The following OCA2 variants were observed in gnomAD, a reference collection of about 807,000 sequenced individuals.
The protein encoded by OCA2 is P protein.
Under a neutral mutation model 100.2 loss-of-function variants are expected in OCA2, and 77 were observed. The observed-to-expected ratio is 0.77, with a 90% CI of 0.64 to 0.93. The LOEUF (loss-of-function observed/expected upper bound fraction) is 0.93, where lower values mean the gene tolerates loss of function less well. OCA2 is among the 40% of genes least tolerant of loss of function. The probability of loss-of-function intolerance (pLI) is 0.00; values close to 1 mark genes in which losing one functional copy is unlikely to be tolerated. For synonymous variants in OCA2, 432 were observed against 439.2 expected, an observed-to-expected ratio of 0.98 and a Z score of 0.21; for missense variants, 1,062 against 1,089.1, an observed-to-expected ratio of 0.98 and a Z score of 0.35.
intron 23 of OCA2, among the ~76,000 whole-genome samples, chr15:27,814,937 T>C (rs944218298): frequency 2.0e-4 from 24 of 118,118 alleles, no homozygotes; most frequent in South Asian, 1.2e-3. Context: ...GATAGATAGA[T>C]AGATAGATAC....
At chr15:28,031,554 C>T (rs1178367362) in intron 3 of OCA2, among the ~76,000 whole-genome samples, 1 of 152,212 alleles carries the variant, frequency 6.6e-6, no homozygotes, top group African/African-American at 2.4e-5. Flanking sequence ...CCAAAAAGGA[C>T]CTGCAAGTTT....
chr15:28,096,072 G>C (rs1328589211), intron 1 of OCA2, among the ~76,000 whole-genome samples: 2 of 152,156 alleles, frequency 1.3e-5, no homozygotes, highest in African/African-American at 4.8e-5. Context: ...CTCTCCGGGG[G>C]CCTGGCTGCG....
chr15:27,876,036 C>A (rs560236805), intron 19 of OCA2, among the ~76,000 whole-genome samples: 61 of 152,126 alleles, frequency 4.0e-4, no homozygotes, highest in African/African-American at 1.3e-3. Context: ...ATTACAAGAA[C>A]TAGGCCCTTC....
chr15:27,801,483 C>T (rs553545461), intron 23 of OCA2, among the ~76,000 whole-genome samples: 1 of 128,930 alleles, frequency 7.8e-6, no homozygotes, highest in Non-Finnish European at 1.6e-5. Flanking sequence ...AGCCAGGAGG[C>T]GGAGGTTACA....
chr15:27,806,581 A>G (rs1410436463), intron 23 of OCA2, among the ~76,000 whole-genome samples: 1 of 152,174 alleles, frequency 6.6e-6, no homozygotes, highest in East Asian at 1.9e-4. Flanking sequence ...GCCCCGCTCC[A>G]CCCGTGCCCT....
chr15:27,822,935 T>C (rs181747301), intron 23 of OCA2, among the ~76,000 whole-genome samples: 34 of 152,322 alleles, frequency 2.2e-4, no homozygotes, highest in Admixed American at 6.5e-4. Flanking sequence ...GCTTTTGGGG[T>C]CCTGTTTATC....
intron 23 of OCA2, among the ~76,000 whole-genome samples, chr15:27,783,182 G>GT (rs1176496051): frequency 1.3e-5 from 2 of 152,206 alleles, no homozygotes; most frequent in Non-Finnish European, 1.5e-5. Flanking sequence ...CAGGCCCTGG[G>GT]TGGGGGGATT....
At chr15:27,793,984 T>C (rs901482779) in intron 23 of OCA2, among the ~76,000 whole-genome samples, 48 of 152,304 alleles carry the variant, frequency 3.2e-4, no homozygotes, top group African/African-American at 1.1e-3. Context: ...GGACTGTGTG[T>C]CACTGGGGGC....
chr15:27,732,162 A>G, the OCA2 span, among the ~76,000 whole-genome samples: 11,342 of 152,326 alleles, frequency 0.074, 918 homozygotes, highest in African/African-American at 0.2. Flanking sequence ...TCCAAAATTT[A>G]TACTTGAAAA....
chr15:27,892,974 A>G (rs1389546672), intron 19 of OCA2, among the ~76,000 whole-genome samples: 1 of 152,232 alleles, frequency 6.6e-6, no homozygotes, highest in African/African-American at 2.4e-5. Context: ...AAACAAACCA[A>G]TTCCTCAAAA....
At chr15:27,751,053 C>T (rs1365456211), downstream of OCA2, among the ~76,000 whole-genome samples, 7 of 152,234 alleles carry the variant, frequency 4.6e-5, no homozygotes, top group African/African-American at 1.7e-4. Flanking sequence ...CCACACCTTC[C>T]TCAGAGGGAC....
chr15:28,003,060 T>TG (rs928178075), intron 9 of OCA2, among the ~76,000 whole-genome samples: 1 of 152,238 alleles, frequency 6.6e-6, no homozygotes, highest in Non-Finnish European at 1.5e-5. Context: ...TGCCCAGCTG[T>TG]GGGCTGTGGG....
intron 23 of OCA2, among the ~76,000 whole-genome samples, chr15:27,788,036 A>C (rs1037634618): frequency 6.6e-6 from 1 of 152,028 alleles, no homozygotes; most frequent in African/African-American, 2.4e-5. Flanking sequence ...GTATTTCCCC[A>C]AATCCATTTA....
chr15:27,929,076 CT>C (rs1315669019), intron 18 of OCA2, among the ~76,000 whole-genome samples: 5 of 152,258 alleles, frequency 3.3e-5, no homozygotes, highest in African/African-American at 1.2e-4. Context: ...TTATTTATGT[CT>C]TCTTTCATTT....
chr15:28,097,480 C>G (rs1406134253), intron 1 of OCA2, among the ~76,000 whole-genome samples: 1 of 152,210 alleles, frequency 6.6e-6, no homozygotes, highest in Non-Finnish European at 1.5e-5. Flanking sequence ...GATCCTGCCC[C>G]CTGGCCTCCA....
At chr15:27,814,893 TAGA>T in intron 23 of OCA2, among the ~76,000 whole-genome samples, 1 of 117,382 alleles carries the variant, frequency 8.5e-6, no homozygotes, top group East Asian at 2.6e-4. Flanking sequence ...TATAGATAGA[TAGA>T]TAGATAGATA....
chr15:27,947,507 T>C (rs1287500180), intron 18 of OCA2, among the ~76,000 whole-genome samples: 2 of 152,112 alleles, frequency 1.3e-5, no homozygotes, highest in Non-Finnish European at 2.9e-5. Flanking sequence ...CACAGCCAGC[T>C]CCGTGTGGCC....
intron 23 of OCA2, among the ~76,000 whole-genome samples, chr15:27,768,695 G>A (rs1224410141): frequency 6.6e-6 from 1 of 152,186 alleles, no homozygotes; most frequent in African/African-American, 2.4e-5. Flanking sequence ...TATGAATCTT[G>A]TTTTTTAGGG....
At chr15:27,890,258 A>C (rs956208496) in intron 19 of OCA2, among the ~76,000 whole-genome samples, 2 of 150,644 alleles carry the variant, frequency 1.3e-5, no homozygotes, top group Non-Finnish European at 2.9e-5. Flanking sequence ...TAGAAGGATA[A>C]AAGAATTAGA....
Sources: gnomAD v4.1 joint callset for allele counts (sites outside exome capture counted in the v4.1 genomes callset) on GRCh38, gnomAD v4.1.1 for gene constraint, MANE v1.5 for transcripts, NCBI Gene and HGNC (gene_info 2026-07-23, HGNC 2026-07-21) for gene names.